Variants in ERN1 observed in about 807,000 individuals in gnomAD.
ERN1 encodes endoplasmic reticulum to nucleus signaling 1.
Under a neutral mutation model 113.1 loss-of-function variants are expected in ERN1, and 39 were observed. The ratio of observed to expected loss-of-function variants is 0.34; its 90% confidence interval spans 0.27 to 0.45. The LOEUF is 0.45. Ranked by LOEUF, ERN1 falls within the 20% of genes least tolerant of loss-of-function variation. The pLI is 1.00. For missense variants in ERN1, 976 were observed against 1,274.8 expected (o/e 0.77, Z 3.57); for synonymous variants, 507 against 515.9 (o/e 0.98, Z 0.23).
Position 64,052,793 on chromosome 17 carries a change from C to T in ERN1, c.2240G>A (p.Cys747Tyr). The T allele has an allele frequency of 6.2e-7, 1 of 1,613,850 alleles. No individual in the cohort carries two copies. Among genetic ancestry groups the T allele is most frequent in the Non-Finnish European group, 8.5e-7 (1 of 1,179,788 alleles). The change falls in exon 17 of 22, where the codon TGT becomes TAT. Residue 747 changes from cysteine to tyrosine, a missense_variant. Around this residue, in one of 5 missense-constraint regions of ERN1, gnomAD observed 297 missense variants for 457.8 expected, o/e 0.65. Coordinates refer to ENST00000433197, the MANE Select transcript of ERN1 (RefSeq NM_001433.5). ...WIAPEMLSEDCKENPTYTVDI... is the reference protein window; with the variant it reads ...WIAPEMLSEDYKENPTYTVDI... ...CCTATTACTCACAGGGTTCTCCTTA[C>T]AGTCTTCGCTCAGCATCTCTGGAGC... is the stretch of plus-strand genomic sequence containing the variant.
intron 12 of ERN1, among the ~76,000 whole-genome samples, chr17:64,057,575 AGC>A (rs1912912922): frequency 6.6e-6 from 1 of 152,138 alleles, no homozygotes; most frequent in Non-Finnish European, 1.5e-5. Flanking sequence ...TCACTGTGTT[AGC>A]CAGGATGGTC....
Position 64,080,819 on chromosome 17 carries a change from GAAC to G in ERN1, c.176-14_176-12del. 2 of 1,608,412 alleles carry G rather than the reference GAAC, an allele frequency of 1.2e-6. No homozygotes were observed. The highest frequency in any genetic ancestry group is 8.5e-7 in the Non-Finnish European group (1 of 1,177,250). On this transcript the variant is annotated splice_polypyrimidine_tract_variant and intron_variant, in intron 2 of 21. Coordinates refer to ENST00000433197, the MANE Select transcript of ERN1 (RefSeq NM_001433.5). ...CCTGCAGGACTGGATCTGTGCAAAA[GAAC>G]AACAAAGCCATCATCAGAAACATCC...
At chr17:64,091,620 A>G (rs965422279) in intron 2 of ERN1, among the ~76,000 whole-genome samples, 7 of 152,224 alleles carry the variant, frequency 4.6e-5, no homozygotes, top group Non-Finnish European at 5.9e-5. Flanking sequence ...GGGTCTTCAC[A>G]GATGAACAGG....
chr17:64,129,064 T>C (rs114614420), intron 1 of ERN1: 1 of 152,122 alleles, frequency 6.6e-6, no homozygotes, highest in African/African-American at 2.4e-5. Flanking sequence ...CAATACATTT[T>C]GTGAAAAACA....
At chr17:64,053,159 T>G in intron 16 of ERN1, 113 bp downstream of exon 16, 1 of 956,192 alleles carries the variant, frequency 1.0e-6, no homozygotes, top group Non-Finnish European at 1.5e-6. Context: ...CTACTGGTGA[T>G]ATAGCCAAGA....
intron 12 of ERN1, among the ~76,000 whole-genome samples, chr17:64,057,110 C>T (rs1040058814): frequency 1.3e-5 from 2 of 152,178 alleles, no homozygotes; most frequent in African/African-American, 4.8e-5. Flanking sequence ...TCACAGGCAG[C>T]TTCTTTTTTC....
chr17:64,093,091 T>C (rs1442752357), intron 2 of ERN1, among the ~76,000 whole-genome samples: 1 of 152,082 alleles, frequency 6.6e-6, no homozygotes, highest in Admixed American at 6.5e-5. Context: ...TACAACACGT[T>C]TGGCTGAGGA....
intron 1 of ERN1, among the ~76,000 whole-genome samples, chr17:64,107,834 T>A (rs1031149009): frequency 4.6e-5 from 7 of 152,332 alleles, no homozygotes; most frequent in African/African-American, 1.7e-4. Context: ...GTCTTACTGT[T>A]TTAAAGATTT....
chr17:64,044,116 G>C lies in ERN1; in HGVS notation c.2806C>G (p.Arg936Gly). ...PDDFVCYFTS[R>G]FPHLLAHTYR... is the part of the protein sequence containing the mutation. ...GTGTGTGCGAGGAGGTGGGGGAAGC[G>C]AGATGTGAAGTAGCACACGAAGTCG... Residue 936 changes from arginine to glycine, a missense_variant, in exon 22 of 22, where the codon CGC becomes GGC. By Grantham distance (125) the Arg-to-Gly change is moderately radical (BLOSUM62 -2). Around this residue, in one of 5 missense-constraint regions of ERN1, gnomAD observed 92 missense variants for 87.3 expected, o/e 1.05. Transcript: ENST00000433197. The surrounding 1 kb of genome is among the most constrained non-coding windows in gnomAD (Gnocchi z 4.1). 1.2e-6 allele frequency: 2 copies of C among 1,611,952 alleles called. No individual in the cohort carries two copies. The highest frequency in any genetic ancestry group is 1.7e-6 in the Non-Finnish European group (2 of 1,178,838).
intron 1 of ERN1, among the ~76,000 whole-genome samples, chr17:64,105,922 T>G (rs1302274538): frequency 6.8e-6 from 1 of 147,968 alleles, no homozygotes; most frequent in Non-Finnish European, 1.5e-5. Context: ...GCCGTTGCAC[T>G]CCAGTCCAGC....
chr17:64,057,487 G>A (rs1198823385), intron 12 of ERN1, among the ~76,000 whole-genome samples: 1 of 152,126 alleles, frequency 6.6e-6, no homozygotes, highest in Non-Finnish European at 1.5e-5. Context: ...TCCTGCCTCA[G>A]CCTCCAGAGT....
chr17:64,075,128 G>C (rs1913547308), intron 5 of ERN1, 47 bp downstream of exon 5: 2 of 1,445,380 alleles, frequency 1.4e-6, no homozygotes, highest in Admixed American at 2.0e-5. Flanking sequence ...CCAGATTCCG[G>C]GACTTACATC....
At chr17:64,048,984 C>T in intron 18 of ERN1, 71 bp downstream of exon 18, 2 of 1,413,904 alleles carry the variant, frequency 1.4e-6, no homozygotes, top group Non-Finnish European at 1.9e-6. Flanking sequence ...AAGGTGGCAC[C>T]AGCCCAGCTC....
intron 10 of ERN1, among the ~76,000 whole-genome samples, chr17:64,061,587 T>C (rs1374239232): frequency 1.3e-5 from 2 of 152,206 alleles, no homozygotes; most frequent in African/African-American, 4.8e-5. Flanking sequence ...CAACATAATA[T>C]CATTCTTTAA....
At position 64,044,783 on chromosome 17, in the gene ERN1, T is replaced by C. The variant is rs923268860; in HGVS notation, c.2721+77A>G. The C allele has an allele frequency of 4.0e-6, 4 of 993,470 alleles. No homozygotes were observed. The highest frequency in any genetic ancestry group is 2.1e-5 in the Admixed American group (1 of 48,636). 61.5% of individuals were successfully genotyped at this position (993,470 alleles called of 1,614,324 possible). A position where few individuals can be genotyped will look rare whatever the true frequency, so the allele number is the denominator to read the frequency against. ...AATGCCAGTACAGATAAAAGATTTATAAAGAATGGATGAAAGGAGGAAGGT... is the reference window on the plus strand; with the variant it reads ...AATGCCAGTACAGATAAAAGATTTACAAAGAATGGATGAAAGGAGGAAGGT... On this transcript the variant is annotated intron_variant, in intron 21 of 21. Coordinates refer to ENST00000433197, the MANE Select transcript of ERN1 (RefSeq NM_001433.5). The surrounding 1 kb of genome is among the most constrained non-coding windows in gnomAD (Gnocchi z 4.1).
chr17:64,085,400 G>A (rs1167050234), intron 2 of ERN1, among the ~76,000 whole-genome samples: 2 of 152,092 alleles, frequency 1.3e-5, no homozygotes, highest in African/African-American at 4.8e-5. Context: ...GAAGGTGCCA[G>A]GCTCTTTTTA....
At chr17:64,077,008 AT>A (rs1390434829) in intron 4 of ERN1, among the ~76,000 whole-genome samples, 4 of 152,290 alleles carry the variant, frequency 2.6e-5, no homozygotes, top group Admixed American at 2.6e-4. Flanking sequence ...CTGCTGAGAG[AT>A]TCCAATGAGA....
At chr17:64,120,230 C>T (rs1914920630) in intron 1 of ERN1, among the ~76,000 whole-genome samples, 1 of 152,118 alleles carries the variant, frequency 6.6e-6, no homozygotes. Context: ...CAGTTGTGGC[C>T]CCCTGTACAG....
intron 1 of ERN1, chr17:64,098,588 C>T (rs765979006): frequency 9.1e-6 from 5 of 547,342 alleles, no homozygotes; most frequent in African/African-American, 1.9e-5. Flanking sequence ...AAAACCTGGG[C>T]ATCTCATAAG....
Sources: gnomAD v4.1 joint callset for allele counts (sites outside exome capture counted in the v4.1 genomes callset) on GRCh38, gnomAD v4.1.1 for gene constraint, gnomAD v4.1.1 regional missense constraint, Gnocchi (gnomAD v3.1) non-coding constraint, MANE v1.5 for transcripts, NCBI Gene and HGNC (gene_info 2026-07-23, HGNC 2026-07-21) for gene names.